PAPPA2: variants seen among roughly 807,000 people sequenced by gnomAD.
PAPPA2 encodes the protein pappalysin 2.
A neutral mutation model predicts 176.4 loss-of-function variants in PAPPA2; 86 were observed. The ratio of observed to expected loss-of-function variants is 0.49; its 90% CI spans 0.41 to 0.58. The LOEUF is 0.58. Among genes scored for constraint, PAPPA2 ranks in the 20% least tolerant of loss-of-function variants. The pLI is 0.00. For synonymous variants in PAPPA2, 809 were observed against 852.2 expected (o/e 0.95, Z 0.88); for missense variants, 2,073 against 2,256.9 (o/e 0.92, Z 1.65).
chr1:176,748,574 A>C (rs1464933498), intron 14 of PAPPA2, among the ~76,000 whole-genome samples: 1 of 152,212 alleles, frequency 6.6e-6, no homozygotes, highest in Non-Finnish European at 1.5e-5. Context: ...TCAAAATGAA[A>C]TTTAATCAGT....
intron 3 of PAPPA2, among the ~76,000 whole-genome samples, chr1:176,623,631 C>CTT (rs1655752833): frequency 3.7e-5 from 1 of 27,110 alleles, no homozygotes; most frequent in Non-Finnish European, 9.0e-5. Flanking sequence ...TCCTTTTTTA[C>CTT]TTTCTTTCTT....
chr1:176,548,933 G>C (rs567306255), intron 1 of PAPPA2, among the ~76,000 whole-genome samples: 1 of 152,180 alleles, frequency 6.6e-6, no homozygotes, highest in African/African-American at 2.4e-5. Context: ...GGGGATGATA[G>C]AGGCACCCAC....
intron 14 of PAPPA2, among the ~76,000 whole-genome samples, chr1:176,743,485 C>T (rs1016673421): frequency 1.3e-5 from 2 of 152,176 alleles, no homozygotes; most frequent in African/African-American, 4.8e-5. Flanking sequence ...CATTCTTACC[C>T]TCCAGTTGTT....
chr1:176,751,124 C>T (rs1438301222), intron 14 of PAPPA2, among the ~76,000 whole-genome samples: 3 of 151,612 alleles, frequency 2.0e-5, no homozygotes, highest in Non-Finnish European at 4.4e-5. Context: ...TTGTTTTTCT[C>T]AGGTTTGTCA....
chr1:176,651,789 G>A (rs1032364628), intron 3 of PAPPA2, among the ~76,000 whole-genome samples: 1 of 151,210 alleles, frequency 6.6e-6, no homozygotes, highest in Non-Finnish European at 1.5e-5. Flanking sequence ...GGTCTTTTGA[G>A]ATAATTTTCT....
At chr1:176,592,674 C>G (rs751922210) in intron 2 of PAPPA2, among the ~76,000 whole-genome samples, 10 of 152,120 alleles carry the variant, frequency 6.6e-5, no homozygotes, top group Non-Finnish European at 1.3e-4. Context: ...CAATTTATAT[C>G]TGAACGCATA....
chr1:176,616,449 A>C, intron 3 of PAPPA2: 1 of 669,524 alleles, frequency 1.5e-6, no homozygotes. Flanking sequence ...TAGGGCAACA[A>C]GTACTGGAGC....
At chr1:176,749,855 C>T (rs935529228) in intron 14 of PAPPA2, among the ~76,000 whole-genome samples, 2 of 152,098 alleles carry the variant, frequency 1.3e-5, no homozygotes, top group African/African-American at 2.4e-5. Flanking sequence ...AATGTACAAC[C>T]GTTTATTTAT....
intron 1 of PAPPA2, among the ~76,000 whole-genome samples, chr1:176,542,521 T>G (rs1254425565): frequency 6.6e-6 from 1 of 152,184 alleles, no homozygotes; most frequent in African/African-American, 2.4e-5. Flanking sequence ...ACACAGGCAA[T>G]AGGGGCAGAG....
At chr1:176,776,038 C>T (rs1664446797) in intron 17 of PAPPA2, among the ~76,000 whole-genome samples, 1 of 152,136 alleles carries the variant, frequency 6.6e-6, no homozygotes, top group Non-Finnish European at 1.5e-5. Flanking sequence ...TCTTTTAAGA[C>T]CCTTTCTTTT....
rs565367485 is a variant in PAPPA2, at chr1:176,511,092, A to G, written c.-916-44315A>G. ...ACATTATTAGAATGGATTAAAAAAAAGAAATAATCATTCCTGTTATAGTTT... is the reference window on the plus strand; with the variant it reads ...ACATTATTAGAATGGATTAAAAAAAGGAAATAATCATTCCTGTTATAGTTT... On this transcript the variant is annotated intron_variant, in intron 1 of 22. Coordinates refer to ENST00000367662, the MANE Select transcript of PAPPA2 (RefSeq NM_020318.3). Among the ~76,000 whole-genome samples the G allele has an allele frequency of 8.5e-5, 13 of 152,310 alleles. No homozygotes were observed. The South Asian group carries it at 2.7e-3, about 32-fold the overall frequency.
In PAPPA2 at chr1:176,640,730, G is replaced by A. The variant is rs1657030223; in HGVS notation, c.1992-30240G>A. ...AGTAATGGGATGGCTGGGTCAAATG[G>A]TATTTCTAGTTCTAGATCCCTGAGG... On this transcript the variant is annotated intron_variant, in intron 3 of 22. Coordinates refer to ENST00000367662, the MANE Select transcript of PAPPA2 (RefSeq NM_020318.3). Among the ~76,000 whole-genome samples the A allele has an allele frequency of 5.3e-5, 8 of 151,720 alleles. No homozygotes were observed. The South Asian group carries it at 1.7e-3, about 32-fold the overall frequency.
At chr1:176,508,824 G>T (rs1213100340) in intron 1 of PAPPA2, among the ~76,000 whole-genome samples, 3 of 151,940 alleles carry the variant, frequency 2.0e-5, no homozygotes, top group Non-Finnish European at 2.9e-5. Context: ...CCCTCCTGCT[G>T]CCATGGAATA....
At chr1:176,718,698 C>CTT (rs144689160) in intron 12 of PAPPA2, among the ~76,000 whole-genome samples, 2 of 143,266 alleles carry the variant, frequency 1.4e-5, no homozygotes, top group Admixed American at 7.0e-5. Context: ...TTTGGGGTAA[C>CTT]TTTTTTTTTT....
intron 3 of PAPPA2, among the ~76,000 whole-genome samples, chr1:176,656,888 G>A (rs1658067410): frequency 6.6e-6 from 1 of 151,368 alleles, no homozygotes; most frequent in African/African-American, 2.4e-5. Context: ...AAAGTAAACT[G>A]GTCTTATAAG....
chr1:176,757,932 A>C (rs1390753503), intron 14 of PAPPA2, among the ~76,000 whole-genome samples: 1 of 151,900 alleles, frequency 6.6e-6, no homozygotes, highest in Non-Finnish European at 1.5e-5. Context: ...CAGCACTAGG[A>C]CCCCCAAGTC....
chr1:176,648,563 G>A (rs1657542570), intron 3 of PAPPA2, among the ~76,000 whole-genome samples: 1 of 151,532 alleles, frequency 6.6e-6, no homozygotes, highest in Non-Finnish European at 1.5e-5. Flanking sequence ...AATGTTAGCT[G>A]TGAGTTTATC....
rs374559650 is a variant in PAPPA2, at chr1:176,669,020, G to A, written c.1992-1950G>A. 2.0e-5 allele frequency among the ~76,000 whole-genome samples: 3 copies of A among 152,218 alleles called. No homozygotes were observed. The Middle Eastern group carries it at 0.01, about 518-fold the overall frequency. Reference sequence around the variant, plus strand: ...TAAATTAGTGGAACTGGTGGGTTGAGGGAGGATGGGAGGATGGTGTCCAAG... The same window carrying A: ...TAAATTAGTGGAACTGGTGGGTTGAAGGAGGATGGGAGGATGGTGTCCAAG... On this transcript the variant is annotated intron_variant, in intron 3 of 22. Coordinates refer to ENST00000367662, the MANE Select transcript of PAPPA2 (RefSeq NM_020318.3).
chr1:176,588,317 T>C (rs1178420421), intron 2 of PAPPA2, among the ~76,000 whole-genome samples: 1 of 152,248 alleles, frequency 6.6e-6, no homozygotes, highest in Non-Finnish European at 1.5e-5. Flanking sequence ...TGTGCTGAGA[T>C]GATGGAGTTT....
Sources: allele counts gnomAD v4.1 joint callset (sites outside exome capture counted in the v4.1 genomes callset), GRCh38; gene constraint gnomAD v4.1.1; transcripts MANE v1.5; gene names NCBI Gene and HGNC (gene_info 2026-07-23, HGNC 2026-07-21).